The following MCCC2 variants were observed in gnomAD, a reference collection of about 807,000 sequenced individuals.
MCCC2 encodes methylcrotonoyl-CoA carboxylase beta chain, mitochondrial.
MCCC2 carries 52 observed loss-of-function variants against 77.2 expected under a neutral mutation model. The observed-to-expected ratio is 0.67, with a 90% CI of 0.54 to 0.85. The LOEUF is 0.85. Among genes scored for constraint, MCCC2 ranks in the 40% least tolerant of loss-of-function variants. The pLI, the probability that MCCC2 is intolerant of heterozygous loss-of-function variation, is 0.00. For missense variants in MCCC2, 682 were observed against 703.2 expected, an observed-to-expected ratio of 0.97 and a Z score of 0.34; for synonymous variants, 253 against 248.4, an observed-to-expected ratio of 1.02 and a Z score of -0.18.
At chr5:71,612,831 C>T (rs1746010738) in intron 6 of MCCC2, among the ~76,000 whole-genome samples, 1 of 152,216 alleles carries the variant, frequency 6.6e-6, no homozygotes. Flanking sequence ...ATCCTCCTAC[C>T]TTTGCCTTGT....
intron 1 of MCCC2, among the ~76,000 whole-genome samples, chr5:71,590,306 A>G (rs1211441275): frequency 1.3e-5 from 2 of 152,210 alleles, no homozygotes; most frequent in East Asian, 3.8e-4. Flanking sequence ...GGTGAACTGT[A>G]GCCAGTACTG....
chr5:71,592,355 G>A (rs1418547755), intron 1 of MCCC2, among the ~76,000 whole-genome samples: 2 of 151,918 alleles, frequency 1.3e-5, no homozygotes, highest in Non-Finnish European at 2.9e-5. Flanking sequence ...CACTCCAGCC[G>A]GGGCAACAAA....
Position 71,656,983 on chromosome 5 carries a change from C to CTT in MCCC2, c.*126_*127dup. 1.4e-6 allele frequency: 1 copy of CTT among 710,772 alleles called. No homozygotes were observed. Among genetic ancestry groups the CTT allele is most frequent in the Non-Finnish European group, 2.5e-6 (1 of 400,614 alleles). 44.0% of individuals were successfully genotyped at this position (710,772 alleles called of 1,614,324 possible). A position where few individuals can be genotyped will look rare whatever the true frequency, so the allele number is the denominator to read the frequency against. ...AATTTTTTTAACACTGTGCATTGTA[C>CTT]TTTTCTACCTTAAAAAAATCAGTGA... On this transcript the variant is annotated 3_prime_UTR_variant, in exon 17 of 17. Transcript: ENST00000340941.
At chr5:71,650,847 C>T (rs1376327319) in intron 15 of MCCC2, among the ~76,000 whole-genome samples, 1 of 152,150 alleles carries the variant, frequency 6.6e-6, no homozygotes, top group Admixed American at 6.5e-5. Context: ...GATGGGGTTT[C>T]ACTGTGTTAG....
intron 6 of MCCC2, among the ~76,000 whole-genome samples, chr5:71,617,071 T>C (rs995093834): frequency 4.6e-5 from 7 of 152,232 alleles, no homozygotes; most frequent in Non-Finnish European, 1.0e-4. Flanking sequence ...CTTAGCCCGA[T>C]ACTTAAGCCC....
Position 71,626,674 on chromosome 5 carries a change from G to A in MCCC2, c.659G>A (p.Gly220Glu), listed in dbSNP as rs1254750166. ...AVVMGSCTAG[G>E]AYVPAMADEN... is the part of the protein sequence containing the mutation. ...GTCATGGGCTCCTGCACCGCAGGAG[G>A]AGCCTATGTGCCTGCCATGGCTGAT... Residue 220 changes from glycine to glutamate, a missense_variant, in exon 7 of 17, where the codon GGA (glycine) becomes GAA (glutamate). Physicochemically the swap from Gly to Glu is moderately conservative, Grantham distance 98. Coordinates refer to ENST00000340941, the MANE Select transcript of MCCC2 (RefSeq NM_022132.5). 1.2e-6 allele frequency: 2 copies of A among 1,614,060 alleles called. No individual in the cohort carries two copies. Among genetic ancestry groups the A allele is most frequent in the East Asian group, 2.2e-5 (1 of 44,864 alleles).
chr5:71,655,060 C>G (rs1747544449), intron 16 of MCCC2, among the ~76,000 whole-genome samples: 1 of 152,122 alleles, frequency 6.6e-6, no homozygotes, highest in Admixed American at 6.5e-5. Flanking sequence ...TCTCGAACTC[C>G]CAACCTCAGG....
chr5:71,614,229 T>C lies in MCCC2; in HGVS notation c.624+9761T>C, dbSNP rs558351821. 2.0e-5 allele frequency among the ~76,000 whole-genome samples: 3 copies of C among 152,232 alleles called. No individual in the cohort carries two copies. In the East Asian group the frequency reaches 5.8e-4, roughly 30 times the overall value. ...AATATATGAGCCTAAACCTGATATC[T>C]GCACTGAAGATGTCAGGCTATGTTT... On this transcript the variant is annotated intron_variant, in intron 6 of 16. Coordinates refer to ENST00000340941, the MANE Select transcript of MCCC2 (RefSeq NM_022132.5).
At chr5:71,644,718 G>A (rs1050602994) in intron 12 of MCCC2, among the ~76,000 whole-genome samples, 2 of 151,952 alleles carry the variant, frequency 1.3e-5, no homozygotes, top group Non-Finnish European at 2.9e-5. Context: ...AAATAACAGG[G>A]TAAAAGTTCT....
chr5:71,634,708 TACTTA>T (rs1345737710), intron 8 of MCCC2, among the ~76,000 whole-genome samples: 1 of 152,208 alleles, frequency 6.6e-6, no homozygotes, highest in Non-Finnish European at 1.5e-5. Context: ...TAGGTGAAGG[TACTTA>T]ACTTATGCGT....
At chr5:71,632,525 G>A (rs146889520) in intron 8 of MCCC2, among the ~76,000 whole-genome samples, 131 of 152,280 alleles carry the variant, frequency 8.6e-4, no homozygotes, top group African/African-American at 3.1e-3. Flanking sequence ...AGGGAGGTGG[G>A]CAATTGCAAG....
chr5:71,643,413 T>C (rs1398218560), intron 11 of MCCC2, among the ~76,000 whole-genome samples: 1 of 152,204 alleles, frequency 6.6e-6, no homozygotes, highest in African/African-American at 2.4e-5. Flanking sequence ...TTCTGGCTTA[T>C]CAGTATGTTG....
At chr5:71,590,645 T>C (rs552842926) in intron 1 of MCCC2, among the ~76,000 whole-genome samples, 2 of 151,900 alleles carry the variant, frequency 1.3e-5, no homozygotes, top group East Asian at 3.9e-4. Flanking sequence ...GGTGAAACCC[T>C]GTCTCCACTA....
At chr5:71,628,854 A>G (rs375368605) in intron 7 of MCCC2, among the ~76,000 whole-genome samples, 3 of 152,326 alleles carry the variant, frequency 2.0e-5, no homozygotes, top group South Asian at 4.1e-4. Context: ...AAAAGATACG[A>G]AAATACTGCT....
In MCCC2 at chr5:71,633,121, A is replaced by ATTTTTTT. The variant is rs1231509058; in HGVS notation, c.803+937_803+938insTTTTTTT. Among the ~76,000 whole-genome samples the ATTTTTTT allele has an allele frequency of 2.7e-3, 80 of 29,810 alleles. 1 individual carries two copies. Among genetic ancestry groups the ATTTTTTT allele is most frequent in the Admixed American group, 8.4e-3 (16 of 1,896 alleles). The allele number at this position is 29,810 out of a possible 152,430, so 19.6% of individuals were successfully genotyped here. On this transcript the variant is annotated intron_variant, in intron 8 of 16. Transcript: ENST00000340941. ...TATATATATATATATATATATATAT[A>ATTTTTTT]TATATATATATTTTTATTTTTTGTA...
chr5:71,594,569 T>A (rs10044572), intron 2 of MCCC2, among the ~76,000 whole-genome samples: 5 of 149,216 alleles, frequency 3.4e-5, no homozygotes, highest in African/African-American at 1.2e-4. Context: ...CAATGGAGGG[T>A]TGAGGAGTCC....
Position 71,650,141 on chromosome 5 carries a change from G to T in MCCC2, c.1446G>T (p.Leu482Phe), listed in dbSNP as rs1309520151. 6.2e-7 allele frequency: 1 copy of T among 1,614,128 alleles called. No individual in the cohort carries two copies. Among genetic ancestry groups the T allele is most frequent in the South Asian group, 1.1e-5 (1 of 91,080 alleles). ...GAGGAGAGCAGGCAGCCAATGTGTT[G>T]GCCACGATAACAAAGGACCAAAGAG... Reference protein sequence around the residue: ...VMGGEQAANVLATITKDQRAR... With the variant: ...VMGGEQAANVFATITKDQRAR... Residue 482 changes from leucine to phenylalanine, a missense_variant, in exon 15 of 17, where the codon TTG (leucine) becomes TTT (phenylalanine). Leu to Phe is a conservative substitution (Grantham distance 22). Coordinates refer to ENST00000340941, the MANE Select transcript of MCCC2 (RefSeq NM_022132.5).
chr5:71,626,567 A>G (rs755610610), intron 6 of MCCC2, 73 bp from the exon 7 acceptor site: 17 of 1,194,816 alleles, frequency 1.4e-5, no homozygotes, highest in Admixed American at 5.3e-5. Context: ...TGTTTGTGGG[A>G]TTCTGGATCA....
intron 13 of MCCC2, among the ~76,000 whole-genome samples, chr5:71,647,393 G>T (rs1188501788): frequency 6.6e-6 from 1 of 152,178 alleles, no homozygotes; most frequent in East Asian, 1.9e-4. Flanking sequence ...GCCTAAGAGG[G>T]TCCTGCATGG....
Sources: allele counts gnomAD v4.1 joint callset (sites outside exome capture counted in the v4.1 genomes callset), GRCh38; gene constraint gnomAD v4.1.1; transcripts MANE v1.5; gene names NCBI Gene and HGNC (gene_info 2026-07-23, HGNC 2026-07-21).